Variants in DNPEP observed in about 807,000 individuals in gnomAD.
DNPEP encodes the protein aspartyl aminopeptidase.
DNPEP carries 46 observed loss-of-function variants against 59.1 expected under a neutral mutation model. The ratio of observed to expected loss-of-function variants is 0.78; its 90% CI spans 0.61 to 0.99. DNPEP has a LOEUF of 0.99. Among genes scored for constraint, DNPEP ranks in the 50% least tolerant of loss-of-function variants. The pLI, the probability that DNPEP is intolerant of heterozygous loss-of-function variation, is 0.00. For synonymous variants in DNPEP, 229 were observed against 242.2 expected, an observed-to-expected ratio of 0.95 and a Z score of 0.50; for missense variants, 617 against 649.9, an observed-to-expected ratio of 0.95 and a Z score of 0.55.
Position 219,372,138 on chromosome 2 carries a change from A to G in DNPEP, c.*2154T>C, listed in dbSNP as rs1302467476. On this transcript the variant is annotated 3_prime_UTR_variant, in exon 15 of 15. Coordinates refer to ENST00000273075, the MANE Select transcript of DNPEP (RefSeq NM_012100.4). ...AATAAATAATGACCATCTATACAATAAAATACTGTACGCCAATTGTAAGAG... is the reference window on the plus strand; with the variant it reads ...AATAAATAATGACCATCTATACAATGAAATACTGTACGCCAATTGTAAGAG... 2.6e-5 allele frequency among the ~76,000 whole-genome samples: 4 copies of G among 152,224 alleles called. No individual in the cohort carries two copies. Among genetic ancestry groups the G allele is most frequent in the Admixed American group, 2.0e-4 (3 of 15,274 alleles).
chr2:219,388,615 C>G (rs923083870), upstream of DNPEP: 36 of 840,120 alleles, frequency 4.3e-5, no homozygotes, highest in Non-Finnish European at 5.2e-5. Flanking sequence ...CCTCTGCTGC[C>G]GCGGAGGTGC....
upstream of DNPEP, among the ~76,000 whole-genome samples, chr2:219,391,076 A>G (rs1302511617): frequency 1.3e-5 from 2 of 152,132 alleles, no homozygotes; most frequent in African/African-American, 4.8e-5. Flanking sequence ...CTGCGCTTAG[A>G]CAGATTCACA....
chr2:219,390,839 A>T (rs1233993435), upstream of DNPEP, among the ~76,000 whole-genome samples: 5 of 152,240 alleles, frequency 3.3e-5, no homozygotes, highest in Non-Finnish European at 5.9e-5. Context: ...TCAAAAAAAA[A>T]ATTAATAAAT....
At chr2:219,387,691 T>C (rs1375728318) in intron 1 of DNPEP, 68 bp downstream of exon 1, 1 of 1,601,072 alleles carries the variant, frequency 6.2e-7, no homozygotes, top group Admixed American at 1.7e-5. Flanking sequence ...GCGCTAAGCT[T>C]GGGCCCCGGA....
intron 11 of DNPEP, 130 bp from the exon 12 acceptor site, chr2:219,381,714 C>G (rs958269757): frequency 9.0e-7 from 1 of 1,115,308 alleles, no homozygotes; most frequent in African/African-American, 1.5e-5. Context: ...ACTTCAGAGT[C>G]ATTCCACACA....
intron 8 of DNPEP, chr2:219,384,873 G>A (rs1465374603): frequency 5.6e-6 from 1 of 177,468 alleles, no homozygotes; most frequent in Non-Finnish European, 1.2e-5. Flanking sequence ...GCAGAGATTG[G>A]AGAAGGGGGC....
At chr2:219,383,311 A>C in intron 9 of DNPEP, 97 bp from the exon 10 acceptor site, 1 of 1,011,078 alleles carries the variant, frequency 9.9e-7, no homozygotes, top group Non-Finnish European at 1.5e-6. Flanking sequence ...CCCATCCACC[A>C]GCACCTTGGG....
intron 10 of DNPEP, 60 bp downstream of exon 10, chr2:219,383,071 A>T: frequency 6.6e-7 from 1 of 1,522,248 alleles, no homozygotes; most frequent in South Asian, 1.1e-5. Context: ...GATGCCTGGC[A>T]CAACAAGTTG....
upstream of DNPEP, chr2:219,388,027 G>T: frequency 2.1e-6 from 2 of 949,394 alleles, no homozygotes; most frequent in Non-Finnish European, 2.7e-6. Flanking sequence ...TACCCTGTCC[G>T]CTCCGCCCCT....
intron 13 of DNPEP, among the ~76,000 whole-genome samples, chr2:219,376,822 G>A (rs1406477289): frequency 2.0e-5 from 3 of 152,130 alleles, no homozygotes; most frequent in Admixed American, 1.3e-4. Context: ...ACTTGTATGG[G>A]TCACTGTCAG....
At position 219,385,430 on chromosome 2, in the gene DNPEP, C is replaced by CT. The variant is rs750131848; in HGVS notation, c.767dup (p.Pro257AlafsTer9). 8.1e-6 allele frequency: 13 copies of CT among 1,609,564 alleles called. No individual in the cohort carries two copies. The East Asian group carries it at 2.9e-4, about 36-fold the overall frequency. On this transcript the variant is annotated frameshift_variant, in exon 8 of 15. Coordinates refer to ENST00000273075, the MANE Select transcript of DNPEP (RefSeq NM_012100.4). LOFTEE classifies it high-confidence loss of function. ...TCCTACAGCCAGTCCTCACCGCAGG[C>CT]TGGGTGTCTGCAAGGCAGAGCTCCA...
chr2:219,386,455 A>G lies in DNPEP; in HGVS notation c.334-44T>C, dbSNP rs1209469321. 4 of 1,612,504 alleles carry G rather than the reference A, an allele frequency of 2.5e-6. No individual in the cohort carries two copies. In the Admixed American group the frequency reaches 5.0e-5, roughly 20 times the overall value. ...AAGTCAGAGAAGGCTTCATGACGAT[A>G]TGTGGAGATGAGACTTTGGCTACTC... On this transcript the variant is annotated intron_variant, in intron 4 of 14. Coordinates refer to ENST00000273075, the MANE Select transcript of DNPEP (RefSeq NM_012100.4).
At chr2:219,395,811 T>C (rs1954086882) in intron 1 of DNPEP, among the ~76,000 whole-genome samples, 1 of 152,178 alleles carries the variant, frequency 6.6e-6, no homozygotes, top group Admixed American at 6.5e-5. Flanking sequence ...TCTCCTGTCT[T>C]AGGATCCACA....
rs556198151 is a variant in DNPEP, at chr2:219,372,404, C to T, written c.*1888G>A. Among the ~76,000 whole-genome samples the T allele has an allele frequency of 2.0e-5, 3 of 152,048 alleles. No individual in the cohort carries two copies. The highest frequency in any genetic ancestry group is 4.2e-4 in the South Asian group (2 of 4,804). On this transcript the variant is annotated 3_prime_UTR_variant, in exon 15 of 15. Coordinates refer to ENST00000273075, the MANE Select transcript of DNPEP (RefSeq NM_012100.4). Reference sequence around the variant, plus strand: ...TTTTTGAGACGGAGTCTGGCTCTGTCGCCCAGGCTGGAGTGCAGTGGCTCA... The same window carrying T: ...TTTTTGAGACGGAGTCTGGCTCTGTTGCCCAGGCTGGAGTGCAGTGGCTCA...
At chr2:219,395,211 G>A (rs1954077187) in intron 1 of DNPEP, among the ~76,000 whole-genome samples, 1 of 152,152 alleles carries the variant, frequency 6.6e-6, no homozygotes, top group African/African-American at 2.4e-5. Context: ...GCCTCCCGAA[G>A]TGCTGGGATC....
At chr2:219,382,937 A>G (rs1267564087) in intron 10 of DNPEP, among the ~76,000 whole-genome samples, 194 bp downstream of exon 10, 1 of 152,212 alleles carries the variant, frequency 6.6e-6, no homozygotes, top group Admixed American at 6.5e-5. Context: ...AGAGAGATAC[A>G]GGAGAGACGG....
At chr2:219,386,799 GAC>G (rs1194939198) in intron 3 of DNPEP, 21 bp from the exon 4 acceptor site, 1 of 1,611,490 alleles carries the variant, frequency 6.2e-7, no homozygotes, top group Admixed American at 1.7e-5. Flanking sequence ...GGGGAGGAAA[GAC>G]AGGGGTGTGA....
chr2:219,392,313 CA>C (rs1423168996), upstream of DNPEP, among the ~76,000 whole-genome samples: 1 of 151,874 alleles, frequency 6.6e-6, no homozygotes, highest in Non-Finnish European at 1.5e-5. Flanking sequence ...CAGTTACATA[CA>C]CTTCAGTGTG....
At chr2:219,382,262 A>T (rs1953635594) in intron 10 of DNPEP, 123 bp from the exon 11 acceptor site, 1 of 1,107,810 alleles carries the variant, frequency 9.0e-7, no homozygotes, top group African/African-American at 1.6e-5. Context: ...TGTTCTTAGC[A>T]ACACCCCTAA....
Sources: gnomAD v4.1 joint callset for allele counts (sites outside exome capture counted in the v4.1 genomes callset) on GRCh38, gnomAD v4.1.1 for gene constraint, MANE v1.5 for transcripts, NCBI Gene and HGNC (gene_info 2026-07-23, HGNC 2026-07-21) for gene names.